The following USP48 variants were observed in gnomAD, a reference collection of about 807,000 sequenced individuals.
USP48 encodes ubiquitin carboxyl-terminal hydrolase 48.
A neutral mutation model predicts 150.7 loss-of-function variants in USP48; 43 were observed. The observed-to-expected ratio is 0.29, with a 90% CI of 0.22 to 0.37. USP48 has a LOEUF of 0.37. USP48 is among the 10% of genes least tolerant of loss of function. The pLI is 1.00. For synonymous variants in USP48, 396 were observed against 425.9 expected, an observed-to-expected ratio of 0.93 and a Z score of 0.86; for missense variants, 813 against 1,249.6, an observed-to-expected ratio of 0.65 and a Z score of 5.27.
At chr1:21,729,886 T>G (rs771779555) in intron 9 of USP48, 54 bp from the exon 10 acceptor site, 20 of 1,611,680 alleles carry the variant, frequency 1.2e-5, no homozygotes, top group Non-Finnish European at 1.2e-5. Context: ...AGTTTGTTTA[T>G]TCTTTAGCGG....
At chr1:21,689,933 G>A (rs1359441484) in intron 24 of USP48, 41 bp downstream of exon 24, 1 of 1,609,166 alleles carries the variant, frequency 6.2e-7, no homozygotes, top group Admixed American at 1.7e-5. Flanking sequence ...TATGTAACAT[G>A]TAAAACCTTG....
At chr1:21,763,149 A>G (rs545148307) in intron 1 of USP48, among the ~76,000 whole-genome samples, 27 of 152,218 alleles carry the variant, frequency 1.8e-4, no homozygotes, top group Non-Finnish European at 2.9e-4. Context: ...AAAAGCTACT[A>G]TGAGAAGCTG....
Position 21,729,836 on chromosome 1 carries a change from A to G in USP48, c.1172-4T>C, listed in dbSNP as rs2097751924. The stretch of plus-strand genomic sequence containing the variant: ...GTCTGAGACTTAGAAGGTTCTGCTG[A>G]GATAGAGAAATCAAAAGGTACCTTA... On this transcript the variant is annotated splice_polypyrimidine_tract_variant and splice_region_variant and intron_variant, in intron 9 of 26. Transcript: ENST00000308271. 6.2e-7 allele frequency: 1 copy of G among 1,613,902 alleles called. No homozygotes were observed. Among genetic ancestry groups the G allele is most frequent in the Non-Finnish European group, 8.5e-7 (1 of 1,179,900 alleles).
intron 6 of USP48, among the ~76,000 whole-genome samples, chr1:21,750,011 C>G (rs781342801): frequency 2.6e-5 from 4 of 152,114 alleles, no homozygotes; most frequent in Non-Finnish European, 4.4e-5. Flanking sequence ...TCCCATCTGC[C>G]CTCAATCCAT....
intron 1 of USP48, among the ~76,000 whole-genome samples, chr1:21,763,987 C>A (rs929106420): frequency 1.3e-5 from 2 of 152,154 alleles, no homozygotes; most frequent in African/African-American, 4.8e-5. Context: ...CTCCAATGCC[C>A]CTAACTCCAT....
rs997251780 is a variant in USP48 at position 21,773,401 on chromosome 1, G to A, written c.134+9423C>T. Among the ~76,000 whole-genome samples the A allele has an allele frequency of 2.0e-5, 3 of 151,286 alleles. No individual in the cohort carries two copies. In the East Asian group the frequency reaches 5.8e-4, roughly 29 times the overall value. ...AAGGAGAAGGGACACAGTGGCTCAC[G>A]CCTGTAATCCCAGCACTTTGGGAGG... On this transcript the variant is annotated intron_variant, in intron 1 of 26. Coordinates refer to ENST00000308271, the MANE Select transcript of USP48 (RefSeq NM_032236.8).
chr1:21,718,387 C>T (rs910666057), intron 14 of USP48, among the ~76,000 whole-genome samples: 5 of 152,166 alleles, frequency 3.3e-5, no homozygotes, highest in African/African-American at 7.2e-5. Context: ...TACTTTGTCA[C>T]ATTTGTGCTG....
intron 23 of USP48, 89 bp downstream of exon 23, chr1:21,694,977 A>C: frequency 2.2e-6 from 3 of 1,356,986 alleles, no homozygotes; most frequent in Non-Finnish European, 3.0e-6. Flanking sequence ...AAACACAGAT[A>C]CATACATATA....
chr1:21,703,652 T>C, intron 20 of USP48, 34 bp from the exon 21 acceptor site: 1 of 1,448,328 alleles, frequency 6.9e-7, no homozygotes, highest in Non-Finnish European at 9.5e-7. Flanking sequence ...AAAACAGAAG[T>C]GGCTGAGGAA....
chr1:21,780,262 T>C (rs1178041969), intron 1 of USP48, among the ~76,000 whole-genome samples: 1 of 152,210 alleles, frequency 6.6e-6, no homozygotes, highest in East Asian at 1.9e-4. Flanking sequence ...GCAGCAGGGA[T>C]AACCCTTGGA....
intron 18 of USP48, 48 bp from the exon 19 acceptor site, chr1:21,705,885 C>G: frequency 7.1e-7 from 1 of 1,404,116 alleles, no homozygotes; most frequent in Non-Finnish European, 9.7e-7. Context: ...TACTGCATGA[C>G]GAAAGAGAAG....
chr1:21,683,426 C>A (rs915287669), intron 25 of USP48, among the ~76,000 whole-genome samples: 1 of 151,936 alleles, frequency 6.6e-6, no homozygotes, highest in African/African-American at 2.4e-5. Context: ...AATCTGTCAC[C>A]CAGGCTTGAG....
intron 3 of USP48, among the ~76,000 whole-genome samples, chr1:21,754,910 C>T (rs2097827702): frequency 6.6e-6 from 1 of 152,152 alleles, no homozygotes; most frequent in Non-Finnish European, 1.5e-5. Flanking sequence ...CCCAGTGCAT[C>T]CCAGCAGTGT....
intron 23 of USP48, among the ~76,000 whole-genome samples, chr1:21,694,603 AAAAAC>A (rs1376813525): frequency 0.019 from 1,409 of 76,076 alleles, 91 homozygotes; most frequent in African/African-American, 0.043. Context: ...AAAAAAAAAA[AAAAAC>A]CCCCTCTATC....
chr1:21,773,748 A>C (rs2097889142), intron 1 of USP48, among the ~76,000 whole-genome samples: 1 of 151,990 alleles, frequency 6.6e-6, no homozygotes, highest in African/African-American at 2.4e-5. Context: ...CTCACTCAAC[A>C]CTCAAGATCG....
intron 9 of USP48, among the ~76,000 whole-genome samples, chr1:21,732,278 C>CA (rs1483233774): frequency 6.6e-6 from 1 of 151,604 alleles, no homozygotes; most frequent in African/African-American, 2.4e-5. Context: ...GACTCTGTCT[C>CA]AAAAACAAAA....
intron 23 of USP48, among the ~76,000 whole-genome samples, chr1:21,692,575 C>T (rs1023922723): frequency 6.6e-5 from 10 of 152,284 alleles, no homozygotes; most frequent in Non-Finnish European, 1.0e-4. Context: ...ATTCTGAGAA[C>T]GGACAAGGGC....
At chr1:21,748,786 C>T (rs1359899461) in intron 6 of USP48, among the ~76,000 whole-genome samples, 1 of 152,186 alleles carries the variant, frequency 6.6e-6, no homozygotes, top group Non-Finnish European at 1.5e-5. Context: ...TGGTACACAC[C>T]TGTGGTCCCA....
intron 24 of USP48, among the ~76,000 whole-genome samples, chr1:21,689,687 G>A (rs1216448047): frequency 1.3e-5 from 2 of 152,118 alleles, no homozygotes; most frequent in African/African-American, 2.4e-5. Context: ...GAAAGGCCAA[G>A]GAAAGCCTTC....
Sources: gnomAD v4.1 joint callset for allele counts (sites outside exome capture counted in the v4.1 genomes callset) on GRCh38, gnomAD v4.1.1 for gene constraint, MANE v1.5 for transcripts, NCBI Gene and HGNC (gene_info 2026-07-23, HGNC 2026-07-21) for gene names.